NPAS2: variants seen among roughly 807,000 people sequenced by gnomAD.
The protein encoded by NPAS2 is neuronal PAS domain protein 2, also known as neuronal PAS domain-containing protein 2.
A neutral mutation model predicts 107.5 loss-of-function variants in NPAS2; 23 were observed. The ratio of observed to expected loss-of-function variants is 0.21; its 90% confidence interval spans 0.15 to 0.30. NPAS2 has a LOEUF of 0.30. Ranked by LOEUF, NPAS2 falls within the 10% of genes least tolerant of loss-of-function variation. NPAS2 has a pLI of 1.00. For missense variants in NPAS2, 756 were observed against 1,043.3 expected, an observed-to-expected ratio of 0.72 and a Z score of 3.79; for synonymous variants, 403 against 417.5, an observed-to-expected ratio of 0.97 and a Z score of 0.42.
rs934204209 is a variant in NPAS2 at position 100,968,997 on chromosome 2, G to C, written c.1055+569G>C. Among the ~76,000 whole-genome samples the C allele has an allele frequency of 6.6e-6, 1 of 152,064 alleles. No homozygotes were observed. The highest frequency in any genetic ancestry group is 2.4e-5 in the African/African-American group (1 of 41,416). On this transcript the variant is annotated intron_variant, in intron 11 of 20. Coordinates refer to ENST00000335681, the MANE Select transcript of NPAS2 (RefSeq NM_002518.4). This position sits in a 1 kb window ranked among gnomAD's most constrained non-coding sequence, Gnocchi z 5.3. ...GGTGAGCAGGACTTTAAAGAGACGC[G>C]GCATGCCCAGGGTTTCATAGATGCT... is the stretch of plus-strand genomic sequence containing the variant.
chr2:100,898,614 T>G (rs1310671510), intron 1 of NPAS2, among the ~76,000 whole-genome samples: 1 of 152,176 alleles, frequency 6.6e-6, no homozygotes, highest in East Asian at 1.9e-4. Context: ...AGTGAAATGC[T>G]CAATATATTT....
At chr2:100,936,855 G>A (rs1362359198) in intron 4 of NPAS2, among the ~76,000 whole-genome samples, 4 of 151,898 alleles carry the variant, frequency 2.6e-5, no homozygotes, top group Admixed American at 6.6e-5. Flanking sequence ...GGTGGCATGT[G>A]CCTGTAATCC....
chr2:100,965,015 G>A lies in NPAS2; in HGVS notation c.800+72G>A, dbSNP rs1217616486. 7 of 1,024,598 alleles carry A rather than the reference G, an allele frequency of 6.8e-6. No homozygotes were observed. Among genetic ancestry groups the A allele is most frequent in the East Asian group, 2.6e-5 (1 of 37,756 alleles). The allele number at this position is 1,024,598 out of a possible 1,614,324, so 63.5% of individuals were successfully genotyped here. A position where few individuals can be genotyped will look rare whatever the true frequency, so the allele number is the denominator to read the frequency against. ...TGTTTGCGTGAGCCAGGCTCTCCTTGGGAGAGAAGAGTCGGCCCTGGTCCA... is the reference window on the plus strand; with the variant it reads ...TGTTTGCGTGAGCCAGGCTCTCCTTAGGAGAGAAGAGTCGGCCCTGGTCCA... On this transcript the variant is annotated intron_variant, in intron 9 of 20. Transcript: ENST00000335681. This position sits in a 1 kb window ranked among gnomAD's most constrained non-coding sequence, Gnocchi z 4.3.
At chr2:100,824,731 CACTT>C (rs200297123) in intron 1 of NPAS2, among the ~76,000 whole-genome samples, 1,812 of 152,322 alleles carry the variant, frequency 0.012, 15 homozygotes, top group Non-Finnish European at 0.019. Flanking sequence ...GCCCTGAAAA[CACTT>C]CAACCAACAT....
At chr2:100,870,971 A>G (rs1050428569) in intron 1 of NPAS2, among the ~76,000 whole-genome samples, 8 of 152,190 alleles carry the variant, frequency 5.3e-5, no homozygotes, top group African/African-American at 1.7e-4. Flanking sequence ...CAGAAGATCA[A>G]TGACTTTTGT....
chr2:100,979,137 A>G (rs938843558), intron 15 of NPAS2, among the ~76,000 whole-genome samples: 13 of 152,148 alleles, frequency 8.5e-5, no homozygotes, highest in Admixed American at 5.2e-4. Context: ...ACACATGCTA[A>G]CGCGTGCTGC....
At chr2:100,987,754 G>C (rs1406389208) in intron 16 of NPAS2, 135 of 309,328 alleles carry the variant, frequency 4.4e-4, no homozygotes, top group Non-Finnish European at 1.8e-5. Context: ...AAGCTGGTAA[G>C]CCAACCTCGA....
intron 1 of NPAS2, among the ~76,000 whole-genome samples, chr2:100,876,408 T>C (rs915406349): frequency 1.3e-5 from 2 of 152,230 alleles, no homozygotes; most frequent in Non-Finnish European, 2.9e-5. Context: ...CCACGTCTCC[T>C]AAGAGGGCTT....
At chr2:100,832,870 T>G (rs934878516) in intron 1 of NPAS2, among the ~76,000 whole-genome samples, 2 of 152,190 alleles carry the variant, frequency 1.3e-5, no homozygotes, top group Non-Finnish European at 2.9e-5. Flanking sequence ...AAAATCTCCT[T>G]ATGTTTTCCT....
At chr2:100,898,128 C>T (rs1177169628) in intron 1 of NPAS2, among the ~76,000 whole-genome samples, 1 of 152,064 alleles carries the variant, frequency 6.6e-6, no homozygotes, top group Non-Finnish European at 1.5e-5. Context: ...GTTGTTTAGG[C>T]TGGTGCTCAC....
chr2:100,975,016 C>T (rs899183922), intron 13 of NPAS2, 72 bp downstream of exon 13: 19 of 1,550,536 alleles, frequency 1.2e-5, no homozygotes, highest in East Asian at 1.1e-4. Context: ...CAGAGGGTCC[C>T]GGGCCCAAGT....
chr2:100,905,807 GT>G (rs1340190233), intron 2 of NPAS2, among the ~76,000 whole-genome samples: 1 of 152,162 alleles, frequency 6.6e-6, no homozygotes. Flanking sequence ...CTTGTCACCT[GT>G]AAATGGTAGT....
intron 1 of NPAS2, among the ~76,000 whole-genome samples, chr2:100,828,897 A>G (rs1053928201): frequency 6.6e-6 from 1 of 152,086 alleles, no homozygotes; most frequent in Non-Finnish European, 1.5e-5. Context: ...TTGGTTCCCT[A>G]TGAATTTTAG....
chr2:100,842,057 T>G (rs1677448744), intron 1 of NPAS2, among the ~76,000 whole-genome samples: 1 of 117,098 alleles, frequency 8.5e-6, no homozygotes. Flanking sequence ...ACATGCATGT[T>G]CATGCATGAG....
At chr2:100,948,567 T>C (rs557324286) in intron 6 of NPAS2, among the ~76,000 whole-genome samples, 28 of 152,314 alleles carry the variant, frequency 1.8e-4, no homozygotes, top group African/African-American at 6.7e-4. Context: ...TGTGGAAAAT[T>C]TGAAAGCAGA....
In NPAS2 at chr2:100,968,163, A is replaced by G; in HGVS notation, c.908-118A>G. 9.2e-7 allele frequency: 1 copy of G among 1,088,554 alleles called. No individual in the cohort carries two copies. 67.4% of individuals were successfully genotyped at this position (1,088,554 alleles called of 1,614,324 possible). ...CTTAAAATACAGGGCAACCGGGGAA[A>G]CAAGCCATGTTTGGTATTGTCTTTT... On this transcript the variant is annotated intron_variant, in intron 10 of 20. Transcript: ENST00000335681. The surrounding 1 kb of genome is among the most constrained non-coding windows in gnomAD (Gnocchi z 5.3).
chr2:100,993,069 A>C (rs1453321881), intron 19 of NPAS2, among the ~76,000 whole-genome samples: 4 of 151,888 alleles, frequency 2.6e-5, no homozygotes, highest in Non-Finnish European at 5.9e-5. Context: ...AGCTGGGACT[A>C]CAGGTGCCCA....
rs1676181100 is a variant in NPAS2 at position 100,965,870 on chromosome 2, T to G, written c.907+104T>G. The G allele has an allele frequency of 8.2e-6, 6 of 733,496 alleles. No individual in the cohort carries two copies. Among genetic ancestry groups the G allele is most frequent in the Middle Eastern group, 3.6e-4 (1 of 2,782 alleles). 45.4% of individuals were successfully genotyped at this position (733,496 alleles called of 1,614,324 possible). On this transcript the variant is annotated intron_variant, in intron 10 of 20. Coordinates refer to ENST00000335681, the MANE Select transcript of NPAS2 (RefSeq NM_002518.4). This position sits in a 1 kb window ranked among gnomAD's most constrained non-coding sequence, Gnocchi z 4.3. The stretch of plus-strand genomic sequence containing the variant: ...CAGAAGCCTCTGCTCGTTACCTGGT[T>G]TCTTTTTAAGGTGAGGAACTTGGTT...
chr2:100,843,138 G>A (rs1376250523), intron 1 of NPAS2, among the ~76,000 whole-genome samples: 1 of 151,610 alleles, frequency 6.6e-6, no homozygotes, highest in Non-Finnish European at 1.5e-5. Context: ...AGGATCGCTT[G>A]AACCCGGGAG....
Sources: allele counts gnomAD v4.1 joint callset (sites outside exome capture counted in the v4.1 genomes callset), GRCh38; gene constraint gnomAD v4.1.1; non-coding constraint Gnocchi (gnomAD v3.1); transcripts MANE v1.5; gene names NCBI Gene and HGNC (gene_info 2026-07-23, HGNC 2026-07-21).